The following ARFGEF1 variants were observed in gnomAD, a reference collection of about 807,000 sequenced individuals.
The protein encoded by ARFGEF1 is ARF guanine nucleotide exchange factor 1.
In ARFGEF1, 42 loss-of-function variants were observed where a neutral mutation model predicts 231.0. The observed-to-expected ratio is 0.18, with a 90% CI of 0.14 to 0.24. The LOEUF is 0.24. Among genes scored for constraint, ARFGEF1 ranks in the 10% least tolerant of loss-of-function variants. ARFGEF1 has a pLI of 1.00. For synonymous variants in ARFGEF1, 710 were observed against 732.3 expected, an observed-to-expected ratio of 0.97 and a Z score of 0.49; for missense variants, 1,345 against 2,192.0, an observed-to-expected ratio of 0.61 and a Z score of 7.72.
chr8:67,239,913 GTA>G (rs1354590559), intron 20 of ARFGEF1, among the ~76,000 whole-genome samples: 1 of 151,754 alleles, frequency 6.6e-6, no homozygotes, highest in Non-Finnish European at 1.5e-5. Context: ...AAAACTTTCT[GTA>G]TAGTCTTCAA....
chr8:67,266,930 T>C lies in ARFGEF1; in HGVS notation c.1867A>G (p.Met623Val). The C allele has an allele frequency of 1.2e-6, 2 of 1,613,628 alleles. No individual in the cohort carries two copies. The highest frequency in any genetic ancestry group is 8.5e-7 in the Non-Finnish European group (1 of 1,179,734). ...TACTGATCCTTACTCCATTCAACCA[T>C]ACACTTCAAAATCGACACTAAGCAT... ...LECLVSILKC[M>V]VEWSKDQYVN... The change falls in exon 13 of 39, where the codon ATG (methionine) becomes GTG (valine). Residue 623 changes from methionine to valine, a missense_variant. Transcript: ENST00000262215.
At chr8:67,191,856 T>C (rs1836346996) in intron 5 of ARFGEF1, among the ~76,000 whole-genome samples, 2 of 152,232 alleles carry the variant, frequency 1.3e-5, no homozygotes, top group Non-Finnish European at 2.9e-5. Flanking sequence ...TGTACCATTT[T>C]ACCTTCCCAT....
chr8:67,287,604 T>C (rs572938910), intron 7 of ARFGEF1, among the ~76,000 whole-genome samples: 23 of 152,348 alleles, frequency 1.5e-4, no homozygotes, highest in Middle Eastern at 3.4e-3. Flanking sequence ...CAAAGTCTTC[T>C]TGATTCAATA....
intron 33 of ARFGEF1, among the ~76,000 whole-genome samples, chr8:67,215,482 C>A (rs1023642681): frequency 1.3e-5 from 2 of 152,084 alleles, no homozygotes; most frequent in Non-Finnish European, 2.9e-5. Context: ...ATGTAATTAA[C>A]GATCTTGAGA....
At chr8:67,189,910 G>T (rs1444120212) in intron 5 of ARFGEF1, among the ~76,000 whole-genome samples, 4 of 152,142 alleles carry the variant, frequency 2.6e-5, no homozygotes, top group Non-Finnish European at 2.9e-5. Flanking sequence ...TGTCAAATTA[G>T]CTACCGATCC....
chr8:67,267,487 CAT>C (rs1474462530), intron 10 of ARFGEF1, 45 bp from the exon 11 acceptor site: 1 of 1,265,296 alleles, frequency 7.9e-7, no homozygotes, highest in East Asian at 2.3e-5. Flanking sequence ...GTTTAGAATT[CAT>C]ATGTGTGATC....
At chr8:67,321,577 C>T (rs538255566) in intron 1 of ARFGEF1, among the ~76,000 whole-genome samples, 10 of 152,292 alleles carry the variant, frequency 6.6e-5, no homozygotes, top group Admixed American at 2.0e-4. Flanking sequence ...TCTCCTGCCT[C>T]AGCCTCCCGA....
chr8:67,256,065 T>A (rs145090504), intron 17 of ARFGEF1, among the ~76,000 whole-genome samples: 1 of 152,188 alleles, frequency 6.6e-6, no homozygotes, highest in East Asian at 1.9e-4. Flanking sequence ...ACCAAACATA[T>A]GTAAACCCAG....
At chr8:67,329,573 T>TAAAA (rs1293565893) in intron 1 of ARFGEF1, among the ~76,000 whole-genome samples, 58 of 148,002 alleles carry the variant, frequency 3.9e-4, no homozygotes, top group Middle Eastern at 3.5e-3. Context: ...AATAAATAAA[T>TAAAA]AAAAAGAATT....
At chr8:67,305,857 A>G (rs192684499) in intron 1 of ARFGEF1, among the ~76,000 whole-genome samples, 3 of 152,288 alleles carry the variant, frequency 2.0e-5, no homozygotes, top group East Asian at 3.9e-4. Flanking sequence ...CAACTAGAAC[A>G]TATTTCTGTT....
At chr8:67,340,438 C>A (rs1187708937) in intron 1 of ARFGEF1, among the ~76,000 whole-genome samples, 1 of 152,196 alleles carries the variant, frequency 6.6e-6, no homozygotes, top group Non-Finnish European at 1.5e-5. Context: ...CATAGATTAC[C>A]AACAGACCAG....
chr8:67,276,217 C>T (rs1351321155), intron 8 of ARFGEF1, 108 bp from the exon 9 acceptor site: 1 of 1,265,122 alleles, frequency 7.9e-7, no homozygotes, highest in Non-Finnish European at 1.1e-6. Flanking sequence ...GAGATTCCCC[C>T]ACTGTTGGAA....
intron 1 of ARFGEF1, among the ~76,000 whole-genome samples, chr8:67,313,433 G>C (rs1211009063): frequency 2.0e-5 from 3 of 152,154 alleles, no homozygotes; most frequent in Non-Finnish European, 4.4e-5. Context: ...GAAAGGTCTA[G>C]GGCTGAAGGC....
At chr8:67,179,905 G>A (rs777535155) in intron 5 of ARFGEF1, 2 of 1,582,294 alleles carry the variant, frequency 1.3e-6, no homozygotes, top group South Asian at 2.2e-5. Context: ...CTCATTATTG[G>A]AATCTGATAG....
chr8:67,301,644 T>C (rs16933249), intron 2 of ARFGEF1, among the ~76,000 whole-genome samples: 2,475 of 152,294 alleles, frequency 0.016, 71 homozygotes, highest in African/African-American at 0.057. Context: ...AAAATTCAAG[T>C]TGCTTCTATT....
chr8:67,270,103 G>GT (rs1027797770), intron 10 of ARFGEF1, among the ~76,000 whole-genome samples: 1 of 151,998 alleles, frequency 6.6e-6, no homozygotes, highest in African/African-American at 2.4e-5. Context: ...AGTTCTAAAA[G>GT]TTTTTTTAAC....
At chr8:67,278,429 G>A (rs934569423) in intron 7 of ARFGEF1, among the ~76,000 whole-genome samples, 1 of 152,160 alleles carries the variant, frequency 6.6e-6, no homozygotes, top group Non-Finnish European at 1.5e-5. Flanking sequence ...TACTAATTTT[G>A]TTACTAATTG....
chr8:67,222,247 G>GTATA (rs71249426), intron 29 of ARFGEF1, among the ~76,000 whole-genome samples: 5 of 135,854 alleles, frequency 3.7e-5, no homozygotes, highest in Non-Finnish European at 6.2e-5. Flanking sequence ...ATGTATGTAT[G>GTATA]TATGTATGTA....
At chr8:67,188,677 C>T (rs554666417) in intron 5 of ARFGEF1, among the ~76,000 whole-genome samples, 26 of 152,306 alleles carry the variant, frequency 1.7e-4, no homozygotes, top group Non-Finnish European at 3.5e-4. Context: ...TGTTTGCCGC[C>T]GTTGCAGACC....
Sources: gnomAD v4.1 joint callset for allele counts (sites outside exome capture counted in the v4.1 genomes callset) on GRCh38, gnomAD v4.1.1 for gene constraint, MANE v1.5 for transcripts, NCBI Gene and HGNC (gene_info 2026-07-23, HGNC 2026-07-21) for gene names.